ADRA1A: variants seen among roughly 807,000 people sequenced by gnomAD.
ADRA1A encodes the protein adrenoceptor alpha 1A.
ADRA1A carries 31 observed loss-of-function variants against 29.6 expected under a neutral mutation model. The observed-to-expected ratio is 1.05, with a 90% CI of 0.79 to 1.41. The LOEUF is 1.41. ADRA1A is among the 40% of genes most tolerant of loss of function. ADRA1A has a pLI of 0.00. For synonymous variants in ADRA1A, 311 were observed against 254.3 expected (o/e 1.22, Z -2.12); for missense variants, 619 against 601.1 (o/e 1.03, Z -0.31).
At chr8:26,776,813 A>T (rs1806580630) in intron 2 of ADRA1A, among the ~76,000 whole-genome samples, 1 of 152,242 alleles carries the variant, frequency 6.6e-6, no homozygotes, top group African/African-American at 2.4e-5. Flanking sequence ...GAATGATCTC[A>T]ATTTAAAAAA....
chr8:26,820,884 TTTG>T (rs10593968), intron 2 of ADRA1A, among the ~76,000 whole-genome samples: 116,987 of 151,014 alleles, frequency 0.77, 46,697 homozygotes, highest in East Asian at 0.96. Flanking sequence ...ATTAGGCCAT[TTTG>T]TTGTTGTTGT....
chr8:26,842,909 C>CACA (rs1423304716), intron 2 of ADRA1A, among the ~76,000 whole-genome samples: 13 of 122,688 alleles, frequency 1.1e-4, no homozygotes, highest in Non-Finnish European at 2.3e-4. Context: ...ACACACACAC[C>CACA]ACTCAAGGAT....
intron 2 of ADRA1A, among the ~76,000 whole-genome samples, chr8:26,779,917 C>T (rs1171646339): frequency 6.6e-6 from 1 of 152,146 alleles, no homozygotes; most frequent in African/African-American, 2.4e-5. Flanking sequence ...TCATCTGGTC[C>T]TTTCCAAGGA....
chr8:26,865,104 T>C lies in ADRA1A; in HGVS notation c.-135A>G, dbSNP rs997699682. 2.0e-6 allele frequency: 3 copies of C among 1,487,812 alleles called. No homozygotes were observed. Among genetic ancestry groups the C allele is most frequent in the Non-Finnish European group, 2.7e-6 (3 of 1,129,418 alleles). 92.2% of individuals were successfully genotyped at this position (1,487,812 alleles called of 1,614,324 possible). A position where few individuals can be genotyped will look rare whatever the true frequency, so the allele number is the denominator to read the frequency against. On this transcript the variant is annotated 5_prime_UTR_variant, in exon 2 of 3. Coordinates refer to ENST00000380573, the MANE Select transcript of ADRA1A (RefSeq NM_000680.4). The surrounding 1 kb of genome is among the most constrained non-coding windows in gnomAD (Gnocchi z 7.6). The stretch of plus-strand genomic sequence containing the variant: ...CCTGCCAGGTGGGTTTGGCTGGGGG[T>C]GAGAGCGCGCGCGCGGGTGGGAAAC...
chr8:26,762,759 C>T (rs1459841792), downstream of ADRA1A, among the ~76,000 whole-genome samples: 3 of 152,158 alleles, frequency 2.0e-5, no homozygotes, highest in Non-Finnish European at 2.9e-5. This position sits in a 1 kb window ranked among gnomAD's most constrained non-coding sequence, Gnocchi z 4.0. Context: ...CAGTTCTGCA[C>T]CCACCACCAT....
At chr8:26,779,157 G>T in intron 2 of ADRA1A, 1 of 595,186 alleles carries the variant, frequency 1.7e-6, no homozygotes, top group Non-Finnish European at 3.0e-6. Context: ...GCTTTCCAAT[G>T]GTAGGAGACC....
At chr8:26,772,806 A>G (rs933082264) in intron 2 of ADRA1A, among the ~76,000 whole-genome samples, 64 of 152,198 alleles carry the variant, frequency 4.2e-4, no homozygotes, top group African/African-American at 1.5e-3. Context: ...TGTTGATGGG[A>G]GCATTTATTA....
intron 2 of ADRA1A, among the ~76,000 whole-genome samples, chr8:26,760,659 T>A (rs1331005522): frequency 6.6e-6 from 1 of 152,142 alleles, no homozygotes; most frequent in Non-Finnish European, 1.5e-5. Flanking sequence ...AAGATTGGGC[T>A]CTGCTGTTGG....
In ADRA1A at chr8:26,814,641, T is replaced by C. The variant is rs527544014; in HGVS notation, c.884-43975A>G. On this transcript the variant is annotated intron_variant, in intron 2 of 2. Transcript: ENST00000380573. ...AACACTTCTTTAAAATAAAGAAATA[T>C]ATATCATCTGTTTTATAATTTTCTT... Among the ~76,000 whole-genome samples, 505 of 152,360 alleles carry C rather than the reference T, an allele frequency of 3.3e-3. 5 individuals carry two copies. Among genetic ancestry groups the C allele is most frequent in the African/African-American group, 0.012 (485 of 41,586 alleles).
chr8:26,792,019 C>T (rs1807871090), intron 2 of ADRA1A, among the ~76,000 whole-genome samples: 1 of 152,028 alleles, frequency 6.6e-6, no homozygotes, highest in South Asian at 2.1e-4. Context: ...ATGTAATTTC[C>T]CTAAGGACAA....
At chr8:26,757,268 T>C (rs1805224191) in intron 2 of ADRA1A, 1 of 654,964 alleles carries the variant, frequency 1.5e-6, no homozygotes, top group Non-Finnish European at 2.8e-6. Context: ...AGCAAGTCCC[T>C]GCCAAATTCA....
rs543804682 is a variant in ADRA1A at position 26,802,191 on chromosome 8, G to A, written c.884-31525C>T. Among the ~76,000 whole-genome samples, 13 of 152,072 alleles carry A rather than the reference G, an allele frequency of 8.5e-5. No homozygotes were observed. In the East Asian group the frequency reaches 2.5e-3, roughly 29 times the overall value. ...TACATTTATTGAGTAATATCCCAAA[G>A]CACAGGCAACCAAAGCAAAAAAAAC... On this transcript the variant is annotated intron_variant, in intron 2 of 2. Transcript: ENST00000380573.
chr8:26,826,428 C>G (rs1038180986), intron 2 of ADRA1A, among the ~76,000 whole-genome samples: 7 of 152,120 alleles, frequency 4.6e-5, no homozygotes, highest in Non-Finnish European at 1.0e-4. Flanking sequence ...TTCATGGGCT[C>G]CTTCTTCCAT....
intron 2 of ADRA1A, chr8:26,757,248 G>A (rs1325043291): frequency 1.5e-6 from 1 of 671,670 alleles, no homozygotes; most frequent in Non-Finnish European, 2.7e-6. Flanking sequence ...CCATTTGGCA[G>A]GGAGATGGCA....
chr8:26,779,408 T>C (rs6989854), intron 2 of ADRA1A: 359,051 of 701,972 alleles, frequency 0.51, 97,715 homozygotes, highest in East Asian at 0.88. Context: ...CATTTTTTCC[T>C]TCTTGGGCCT....
chr8:26,796,219 T>G lies in ADRA1A; in HGVS notation c.884-25553A>C, dbSNP rs114573389. Reference sequence around the variant, plus strand: ...TAGTTTACAATTATTAAAATTGGGTTATAGGTACATCAGCTTCATTACATG... The same window carrying G: ...TAGTTTACAATTATTAAAATTGGGTGATAGGTACATCAGCTTCATTACATG... On this transcript the variant is annotated intron_variant, in intron 2 of 2. Transcript: ENST00000380573. The surrounding 1 kb of genome is among the most constrained non-coding windows in gnomAD (Gnocchi z 5.0). 0.017 allele frequency among the ~76,000 whole-genome samples: 2,649 copies of G among 152,294 alleles called. 70 individuals carry two copies. The highest frequency in any genetic ancestry group is 0.058 in the African/African-American group (2,393 of 41,562).
chr8:26,865,190 A>C lies in ADRA1A; in HGVS notation c.-221T>G. 30 of 1,371,450 alleles carry C rather than the reference A, an allele frequency of 2.2e-5. No homozygotes were observed. The highest frequency in any genetic ancestry group is 2.9e-5 in the East Asian group (1 of 34,702). The allele number at this position is 1,371,450 out of a possible 1,614,324, so 85.0% of individuals were successfully genotyped here. A position where few individuals can be genotyped will look rare whatever the true frequency, so the allele number is the denominator to read the frequency against. On this transcript the variant is annotated 5_prime_UTR_variant, in exon 2 of 3. An upstream start codon of the reference 5' UTR is lost. Coordinates refer to ENST00000380573, the MANE Select transcript of ADRA1A (RefSeq NM_000680.4). The surrounding 1 kb of genome is among the most constrained non-coding windows in gnomAD (Gnocchi z 7.6). ...CATGAAGGGGCAGGGCATTAAAGAC[A>C]TGGCCAGGGGCGCGCGGGGCTGCCG...
intron 2 of ADRA1A, among the ~76,000 whole-genome samples, chr8:26,822,315 T>G (rs1235339838): frequency 6.6e-6 from 1 of 152,208 alleles, no homozygotes; most frequent in Non-Finnish European, 1.5e-5. Context: ...CTATGCCTAC[T>G]TCATAAAATG....
At position 26,775,033 on chromosome 8, in the gene ADRA1A, A is replaced by G. The variant is rs1420263381; in HGVS notation, c.884-4367T>C. On this transcript the variant is annotated intron_variant, in intron 2 of 2. Coordinates refer to ENST00000380573, the MANE Select transcript of ADRA1A (RefSeq NM_000680.4). This position sits in a 1 kb window ranked among gnomAD's most constrained non-coding sequence, Gnocchi z 4.1. Reference sequence around the variant, plus strand: ...GGTCAGGGCTGAACCAGCCTGGTTCAGGGGTGGGTGCCTCTGACCCAGTCA... The same window carrying G: ...GGTCAGGGCTGAACCAGCCTGGTTCGGGGGTGGGTGCCTCTGACCCAGTCA... 1.3e-5 allele frequency among the ~76,000 whole-genome samples: 2 copies of G among 151,412 alleles called. No individual in the cohort carries two copies. The highest frequency in any genetic ancestry group is 2.9e-5 in the Non-Finnish European group (2 of 67,978).
Sources: allele counts gnomAD v4.1 joint callset (sites outside exome capture counted in the v4.1 genomes callset), GRCh38; gene constraint gnomAD v4.1.1; non-coding constraint Gnocchi (gnomAD v3.1); transcripts MANE v1.5; gene names NCBI Gene and HGNC (gene_info 2026-07-23, HGNC 2026-07-21).